Variants in NRG3 observed in about 807,000 individuals in gnomAD.
NRG3 encodes the protein neuregulin 3.
NRG3 carries 31 observed loss-of-function variants against 66.9 expected under a neutral mutation model. The ratio of observed to expected loss-of-function variants is 0.46; its 90% CI spans 0.35 to 0.63. NRG3 has a LOEUF of 0.63. Ranked by LOEUF, NRG3 falls within the 20% of genes least tolerant of loss-of-function variation. The probability of loss-of-function intolerance (pLI) is 0.00; values close to 1 mark genes in which losing one functional copy is unlikely to be tolerated. For missense variants in NRG3, 910 were observed against 878.9 expected (o/e 1.04, Z -0.45); for synonymous variants, 393 against 359.4 (o/e 1.09, Z -1.06).
intron 1 of NRG3, among the ~76,000 whole-genome samples, chr10:82,082,902 T>G (rs1349784037): frequency 1.3e-5 from 2 of 152,146 alleles, no homozygotes; most frequent in Non-Finnish European, 2.9e-5. Flanking sequence ...ATTTTATTAG[T>G]CTGAACATGA....
At chr10:82,823,157 G>A (rs947252382) in intron 3 of NRG3, among the ~76,000 whole-genome samples, 1 of 152,118 alleles carries the variant, frequency 6.6e-6, no homozygotes, top group African/African-American at 2.4e-5. Flanking sequence ...AGCCAAGGAT[G>A]ACAAAATCTT....
intron 4 of NRG3, among the ~76,000 whole-genome samples, chr10:82,930,173 G>C (rs117645569): frequency 8.9e-4 from 135 of 152,256 alleles, no homozygotes; most frequent in Non-Finnish European, 1.5e-3. Context: ...AGAGATGGGA[G>C]TGTCCTTTAG....
At chr10:82,885,942 G>T (rs954117685) in intron 4 of NRG3, among the ~76,000 whole-genome samples, 1 of 152,024 alleles carries the variant, frequency 6.6e-6, no homozygotes, top group Admixed American at 6.6e-5. Context: ...TCCGATCTCG[G>T]CTCACTGCAA....
At chr10:82,234,836 C>A (rs564454526) in intron 1 of NRG3, among the ~76,000 whole-genome samples, 1 of 152,336 alleles carries the variant, frequency 6.6e-6, no homozygotes, top group South Asian at 2.1e-4. Context: ...CTCCACCTTA[C>A]CTGCCATGGT....
intron 2 of NRG3, among the ~76,000 whole-genome samples, chr10:82,519,743 C>A (rs868697035): frequency 1.8e-4 from 27 of 152,204 alleles, no homozygotes; most frequent in African/African-American, 6.3e-4. Flanking sequence ...GGCAAAAATT[C>A]TTGGGCATGC....
intron 2 of NRG3, among the ~76,000 whole-genome samples, chr10:82,585,142 T>G (rs1590770349): frequency 6.6e-6 from 1 of 152,092 alleles, no homozygotes; most frequent in Non-Finnish European, 1.5e-5. Context: ...CCCAGAGATA[T>G]ACCCAGCTCT....
chr10:82,104,929 A>G (rs2066969946), intron 1 of NRG3, among the ~76,000 whole-genome samples: 1 of 152,120 alleles, frequency 6.6e-6, no homozygotes, highest in African/African-American at 2.4e-5. Context: ...TCAAACACTT[A>G]ACTTTATTTG....
chr10:82,942,415 G>T (rs1279730862), intron 4 of NRG3, among the ~76,000 whole-genome samples: 1 of 152,208 alleles, frequency 6.6e-6, no homozygotes. Context: ...TTACCATAAG[G>T]CTGTGTTACA....
At chr10:82,556,512 T>C (rs2044661670) in intron 2 of NRG3, among the ~76,000 whole-genome samples, 1 of 152,166 alleles carries the variant, frequency 6.6e-6, no homozygotes, top group South Asian at 2.1e-4. Context: ...GGCAGCCCTC[T>C]TGGTAAATGC....
At chr10:82,423,476 A>T (rs1318380997) in intron 2 of NRG3, among the ~76,000 whole-genome samples, 1 of 151,910 alleles carries the variant, frequency 6.6e-6, no homozygotes, top group East Asian at 1.9e-4. Context: ...TTGATCAATC[A>T]CTTGATTCAG....
intron 3 of NRG3, among the ~76,000 whole-genome samples, chr10:82,748,554 G>T (rs1011698066): frequency 6.7e-6 from 1 of 150,272 alleles, no homozygotes; most frequent in African/African-American, 2.4e-5. Flanking sequence ...AATATCTTTT[G>T]TGTATCTCCC....
intron 1 of NRG3, among the ~76,000 whole-genome samples, chr10:81,894,119 T>A (rs1843287038): frequency 1.3e-5 from 2 of 152,150 alleles, no homozygotes; most frequent in East Asian, 3.9e-4. Flanking sequence ...GGCAGGCAGA[T>A]CACTTGAGGT....
chr10:82,350,455 T>A (rs954202630), intron 1 of NRG3, among the ~76,000 whole-genome samples: 3 of 152,182 alleles, frequency 2.0e-5, no homozygotes, highest in Non-Finnish European at 4.4e-5. Flanking sequence ...ATGTAAGCAG[T>A]TAAACTGCAA....
Position 82,473,147 on chromosome 10 carries a change from A to G in NRG3, c.953+114279A>G, listed in dbSNP as rs556794423. 1.7e-4 allele frequency among the ~76,000 whole-genome samples: 26 copies of G among 152,302 alleles called. No homozygotes were observed. The South Asian group carries it at 5.4e-3, about 32-fold the overall frequency. On this transcript the variant is annotated intron_variant, in intron 2 of 8. Coordinates refer to ENST00000372141, the MANE Select transcript of NRG3 (RefSeq NM_001010848.4). ...TGATTGTACAGTCATGGTGCTAGAC[A>G]GTGTGATGTCTGTGCGCACCAGCTT...
chr10:82,563,640 A>G lies in NRG3; in HGVS notation c.954-174937A>G, dbSNP rs544504834. Among the ~76,000 whole-genome samples the G allele has an allele frequency of 1.4e-3, 218 of 152,126 alleles. 1 individual carries two copies. The highest frequency in any genetic ancestry group is 2.8e-3 in the Non-Finnish European group (187 of 67,964). ...TGTGATATGTTTCACATATATCAAAACATCACATATTTATGGTGAACAATA... is the reference window on the plus strand; with the variant it reads ...TGTGATATGTTTCACATATATCAAAGCATCACATATTTATGGTGAACAATA... On this transcript the variant is annotated intron_variant, in intron 2 of 8. Transcript: ENST00000372141.
intron 1 of NRG3, among the ~76,000 whole-genome samples, chr10:81,993,989 ATTG>A (rs1407054368): frequency 2.6e-5 from 4 of 152,072 alleles, no homozygotes; most frequent in South Asian, 2.1e-4. Context: ...ACAATTTCCT[ATTG>A]TTGTTTCCAA....
chr10:82,329,437 G>A lies in NRG3; in HGVS notation c.824-29302G>A, dbSNP rs144007292. ...TTGTTTGGTGGGTTTTTCCTTCTTGGTTTTTTTTTTTTTTTTTTTAAAGAA... is the reference window on the plus strand; with the variant it reads ...TTGTTTGGTGGGTTTTTCCTTCTTGATTTTTTTTTTTTTTTTTTTAAAGAA... On this transcript the variant is annotated intron_variant, in intron 1 of 8. Transcript: ENST00000372141. Among the ~76,000 whole-genome samples, 13 of 113,030 alleles carry A rather than the reference G, an allele frequency of 1.2e-4. No homozygotes were observed. The East Asian group carries it at 3.1e-3, about 27-fold the overall frequency. The allele number at this position is 113,030 out of a possible 152,430, so 74.2% of individuals were successfully genotyped here.
chr10:82,160,439 A>G (rs146822913), intron 1 of NRG3, among the ~76,000 whole-genome samples: 1 of 152,090 alleles, frequency 6.6e-6, no homozygotes, highest in Non-Finnish European at 1.5e-5. Context: ...GGCTATACAG[A>G]TGAAAACATC....
chr10:82,256,526 G>A (rs529211230), intron 1 of NRG3, among the ~76,000 whole-genome samples: 2 of 152,200 alleles, frequency 1.3e-5, no homozygotes, highest in African/African-American at 2.4e-5. Context: ...TGAGGCACAG[G>A]CTTGCACTCC....
Sources: allele counts gnomAD v4.1 joint callset (sites outside exome capture counted in the v4.1 genomes callset), GRCh38; gene constraint gnomAD v4.1.1; transcripts MANE v1.5; gene names NCBI Gene and HGNC (gene_info 2026-07-23, HGNC 2026-07-21).